ANKS1B: variants seen among roughly 807,000 people sequenced by gnomAD.
ANKS1B encodes ankyrin repeat and sterile alpha motif domain containing 1B, also known as ankyrin repeat and sterile alpha motif domain-containing protein 1B.
ANKS1B carries 36 observed loss-of-function variants against 148.3 expected under a neutral mutation model. That is an observed-to-expected ratio of 0.24 (90% CI 0.19 to 0.32). ANKS1B has a LOEUF of 0.32. Ranked by LOEUF, ANKS1B falls within the 10% of genes least tolerant of loss-of-function variation. The pLI is 1.00. For synonymous variants in ANKS1B, 542 were observed against 560.8 expected, an observed-to-expected ratio of 0.97 and a Z score of 0.47; for missense variants, 1,157 against 1,542.6, an observed-to-expected ratio of 0.75 and a Z score of 4.19.
chr12:98,759,364 G>A (rs112413529), intron 25 of ANKS1B, among the ~76,000 whole-genome samples: 1 of 152,138 alleles, frequency 6.6e-6, no homozygotes. Flanking sequence ...AGTGATCACT[G>A]AATGACATGG....
At chr12:99,280,855 T>G (rs1297216662) in intron 12 of ANKS1B, among the ~76,000 whole-genome samples, 2 of 151,108 alleles carry the variant, frequency 1.3e-5, no homozygotes, top group Non-Finnish European at 2.9e-5. Context: ...TCTCTCTCTC[T>G]CTCTCTCTCT....
intron 9 of ANKS1B, among the ~76,000 whole-genome samples, chr12:99,524,491 G>A (rs1198821127): frequency 6.6e-6 from 1 of 152,190 alleles, no homozygotes; most frequent in African/African-American, 2.4e-5. Flanking sequence ...GACATTATAA[G>A]TAGAAGAGGG....
intron 9 of ANKS1B, among the ~76,000 whole-genome samples, chr12:99,617,504 G>A (rs554431947): frequency 7.8e-6 from 1 of 128,556 alleles, no homozygotes; most frequent in Admixed American, 7.7e-5. Context: ...GATGAAGCTG[G>A]AAACCATCAT....
chr12:99,583,467 T>C (rs562670330), intron 9 of ANKS1B, among the ~76,000 whole-genome samples: 6 of 152,312 alleles, frequency 3.9e-5, no homozygotes, highest in African/African-American at 1.2e-4. Context: ...TGGTACTGAT[T>C]TGAACCACAT....
chr12:98,880,440 T>C (rs1270995253), intron 17 of ANKS1B, among the ~76,000 whole-genome samples: 3 of 152,108 alleles, frequency 2.0e-5, no homozygotes, highest in Non-Finnish European at 4.4e-5. Context: ...CAAACTTAAC[T>C]GGAATGCATA....
chr12:99,649,149 C>A, intron 9 of ANKS1B: 2 of 712,124 alleles, frequency 2.8e-6, no homozygotes, highest in Non-Finnish European at 4.9e-6. Flanking sequence ...TGTCTCCCTG[C>A]AATTGCCACT....
At chr12:99,921,688 A>C (rs2094357564) in intron 1 of ANKS1B, among the ~76,000 whole-genome samples, 1 of 152,162 alleles carries the variant, frequency 6.6e-6, no homozygotes, top group African/African-American at 2.4e-5. Context: ...TGTTTTGGAG[A>C]TAAAAACCAG....
chr12:99,015,114 G>A (rs372550439), intron 17 of ANKS1B, among the ~76,000 whole-genome samples: 4 of 152,130 alleles, frequency 2.6e-5, no homozygotes, highest in African/African-American at 9.7e-5. Context: ...GCAAAGACAT[G>A]GAATCAACCT....
chr12:99,368,102 A>C (rs1282961871), intron 12 of ANKS1B, among the ~76,000 whole-genome samples: 2 of 152,192 alleles, frequency 1.3e-5, no homozygotes, highest in Non-Finnish European at 2.9e-5. Flanking sequence ...TTATGACTAC[A>C]ATTTTAGGAT....
chr12:99,139,547 G>A (rs78731744), intron 15 of ANKS1B, among the ~76,000 whole-genome samples: 2,072 of 143,716 alleles, frequency 0.014, 44 homozygotes, highest in African/African-American at 0.05. Context: ...CAAACTGGCT[G>A]GGATTACAGG....
intron 1 of ANKS1B, among the ~76,000 whole-genome samples, chr12:99,892,911 A>G (rs951978275): frequency 6.6e-6 from 1 of 152,190 alleles, no homozygotes; most frequent in African/African-American, 2.4e-5. Context: ...TAGAGAGGCT[A>G]AAAGATTAGA....
chr12:99,702,794 A>G lies in ANKS1B; in HGVS notation c.1129-47584T>C, dbSNP rs146927034. ...TAACTTGATGTGATTACATTTGTCC[A>G]TTTTTGCTTTGGTTGCCTGTGCTTT... On this transcript the variant is annotated intron_variant, in intron 8 of 26. Coordinates refer to ENST00000683438, the MANE Select transcript of ANKS1B (RefSeq NM_001352186.2). 9.6e-4 allele frequency among the ~76,000 whole-genome samples: 125 copies of G among 130,274 alleles called. 1 individual carries two copies. Among genetic ancestry groups the G allele is most frequent in the Middle Eastern group, 3.9e-3 (1 of 256 alleles). The allele number at this position is 130,274 out of a possible 152,430, so 85.5% of individuals were successfully genotyped here.
intron 9 of ANKS1B, among the ~76,000 whole-genome samples, chr12:99,544,853 A>G (rs1436536605): frequency 2.0e-5 from 3 of 152,174 alleles, no homozygotes. Flanking sequence ...CACAAATACT[A>G]TTTATAAAAC....
intron 14 of ANKS1B, among the ~76,000 whole-genome samples, chr12:99,163,743 G>A (rs1375622072): frequency 6.6e-6 from 1 of 152,068 alleles, no homozygotes; most frequent in Non-Finnish European, 1.5e-5. Flanking sequence ...TTGGAATTGG[G>A]ATTTTTCATT....
rs2083998881 is a variant in ANKS1B, at chr12:99,315,917, GGT to G, written c.1757-69055_1757-69054del. Among the ~76,000 whole-genome samples the G allele has an allele frequency of 4.6e-5, 7 of 152,120 alleles. No homozygotes were observed. The South Asian group carries it at 1.5e-3, about 32-fold the overall frequency. Reference sequence around the variant, plus strand: ...CTCCCACCTATGAATGAGAACATGTGGTGTTTGGTTTTCTGTCCTTGCAATAC... The same window carrying G: ...CTCCCACCTATGAATGAGAACATGTGGTTTGGTTTTCTGTCCTTGCAATAC... On this transcript the variant is annotated intron_variant, in intron 12 of 26. Coordinates refer to ENST00000683438, the MANE Select transcript of ANKS1B (RefSeq NM_001352186.2).
In ANKS1B at chr12:99,732,583, G is replaced by T. The variant is rs542024860; in HGVS notation, c.1128+40339C>A. Among the ~76,000 whole-genome samples, 11 of 152,288 alleles carry T rather than the reference G, an allele frequency of 7.2e-5. 1 individual carries two copies. In the South Asian group the frequency reaches 1.7e-3, roughly 23 times the overall value. ...CAAATGTGTGGTTGCCTCAGGGTGG[G>T]ACTGTTGTGTGGAAATTGGCCAAAG... On this transcript the variant is annotated intron_variant, in intron 8 of 26. Transcript: ENST00000683438.
chr12:98,911,498 T>C (rs2099786812), intron 17 of ANKS1B, among the ~76,000 whole-genome samples: 1 of 152,142 alleles, frequency 6.6e-6, no homozygotes, highest in Admixed American at 6.5e-5. Flanking sequence ...ATGAGTTGGA[T>C]TGTTTTTGTT....
chr12:99,897,657 G>A (rs1031069640), intron 1 of ANKS1B, among the ~76,000 whole-genome samples: 1 of 150,964 alleles, frequency 6.6e-6, no homozygotes. Context: ...GCAACACTGT[G>A]CTTATTTAAC....
intron 22 of ANKS1B, among the ~76,000 whole-genome samples, chr12:98,788,780 C>T (rs962053168): frequency 6.6e-5 from 10 of 152,258 alleles, no homozygotes; most frequent in African/African-American, 7.2e-5. Context: ...ACTGTCAGAA[C>T]TGTTCTCTGC....
Sources: allele counts gnomAD v4.1 joint callset (sites outside exome capture counted in the v4.1 genomes callset), GRCh38; gene constraint gnomAD v4.1.1; transcripts MANE v1.5; gene names NCBI Gene and HGNC (gene_info 2026-07-23, HGNC 2026-07-21).